Variants in PLD3 observed in about 807,000 individuals in gnomAD.
PLD3 encodes phospholipase D family member 3, also known as 5'-3' exonuclease PLD3.
In PLD3, 31 loss-of-function variants were observed where a neutral mutation model predicts 58.4. The ratio of observed to expected loss-of-function variants is 0.53; its 90% CI spans 0.40 to 0.72. The LOEUF is 0.72. PLD3 is among the 30% of genes least tolerant of loss of function. PLD3 has a pLI of 0.00. For synonymous variants in PLD3, 264 were observed against 273.4 expected (o/e 0.97, Z 0.34); for missense variants, 595 against 659.8 (o/e 0.90, Z 1.08).
In PLD3 at chr19:40,366,465, C is replaced by A; in HGVS notation, c.-19C>A. 1 of 1,613,102 alleles carries A rather than the reference C, an allele frequency of 6.2e-7. No homozygotes were observed. ...ACCTTCTCACCTGGGCTCTGCGTAT[C>A]CCCCAGCCTTGAGGGAAGATGAAGC... On this transcript the variant is annotated 5_prime_UTR_variant, in exon 3 of 13. Coordinates refer to ENST00000409735, the MANE Select transcript of PLD3 (RefSeq NM_012268.4).
chr19:40,353,227 C>G (rs1316883293), intron 1 of PLD3, among the ~76,000 whole-genome samples: 1 of 152,070 alleles, frequency 6.6e-6, no homozygotes, highest in Non-Finnish European at 1.5e-5. Flanking sequence ...GTCAGGAGTT[C>G]GAGACCAGCC....
intron 6 of PLD3, among the ~76,000 whole-genome samples, chr19:40,369,118 C>CTCTA (rs1396430076): frequency 6.6e-6 from 1 of 152,046 alleles, no homozygotes; most frequent in Admixed American, 6.6e-5. Context: ...TAGTGAAACC[C>CTCTA]TGTCTCTAAA....
chr19:40,348,884 T>TATGGAATATA (rs2078402542), intron 1 of PLD3, 116 bp downstream of exon 1: 1 of 151,314 alleles, frequency 6.6e-6, no homozygotes, highest in Non-Finnish European at 1.5e-5. Flanking sequence ...GAATATAATA[T>TATGGAATATA]ATATAATTAT....
chr19:40,355,654 C>T (rs939390556), intron 1 of PLD3, among the ~76,000 whole-genome samples: 6 of 113,348 alleles, frequency 5.3e-5, no homozygotes, highest in Non-Finnish European at 3.3e-5. Flanking sequence ...ATCTCAGTTT[C>T]TGGAGCAGGG....
intron 1 of PLD3, among the ~76,000 whole-genome samples, chr19:40,364,454 C>T (rs2078863982): frequency 6.6e-6 from 1 of 151,280 alleles, no homozygotes; most frequent in Non-Finnish European, 1.5e-5. Flanking sequence ...GGAGTTCAGC[C>T]TGGGCAATAA....
chr19:40,349,832 C>A (rs539330981), intron 1 of PLD3, among the ~76,000 whole-genome samples: 6 of 151,100 alleles, frequency 4.0e-5, no homozygotes, highest in Non-Finnish European at 5.9e-5. Context: ...GTGGTGCATG[C>A]CTATAATCCC....
At chr19:40,352,343 C>T (rs528165082) in intron 1 of PLD3, among the ~76,000 whole-genome samples, 39 of 152,114 alleles carry the variant, frequency 2.6e-4, no homozygotes, top group African/African-American at 8.2e-4. Context: ...TTTGAGAGGC[C>T]GGCGCCACCA....
chr19:40,355,773 T>C (rs2078642052), intron 1 of PLD3: 1 of 152,062 alleles, frequency 6.6e-6, no homozygotes, highest in South Asian at 2.1e-4. Context: ...ACTGGGGACA[T>C]GGCAGTGAGT....
At chr19:40,361,044 G>A (rs1266109883) in intron 1 of PLD3, among the ~76,000 whole-genome samples, 1 of 152,124 alleles carries the variant, frequency 6.6e-6, no homozygotes, top group Non-Finnish European at 1.5e-5. Flanking sequence ...CACTGTGCGA[G>A]GCCAAGGCAG....
chr19:40,367,395 A>G (rs1287355117), intron 5 of PLD3: 1 of 299,790 alleles, frequency 3.3e-6, no homozygotes, highest in East Asian at 5.7e-5. Context: ...AGCCTGGGCA[A>G]TGTAGTGCGG....
At chr19:40,364,555 G>T (rs1276848126) in intron 1 of PLD3, among the ~76,000 whole-genome samples, 1 of 151,916 alleles carries the variant, frequency 6.6e-6, no homozygotes, top group African/African-American at 2.4e-5. Context: ...ACTTTTGGGG[G>T]CCTAGACGGG....
Position 40,367,824 on chromosome 19 carries a change from T to G in PLD3, c.374T>G (p.Phe125Cys). Residue 125 changes from phenylalanine to cysteine, a missense_variant, in exon 6 of 13, where the codon TTC becomes TGC. Phe to Cys is a radical substitution (Grantham distance 205). Transcript: ENST00000409735. ...GAHSSLDIASFYWTLTNNDTH... is the reference protein window; with the variant it reads ...GAHSSLDIASCYWTLTNNDTH... ...CACAGCAGCCTGGACATCGCCTCCTTCTACTGGACCCTCACCAACAATGAC... is the reference window on the plus strand; with the variant it reads ...CACAGCAGCCTGGACATCGCCTCCTGCTACTGGACCCTCACCAACAATGAC... 2 of 1,593,798 alleles carry G rather than the reference T, an allele frequency of 1.3e-6. No homozygotes were observed. The highest frequency in any genetic ancestry group is 1.7e-6 in the Non-Finnish European group (2 of 1,171,074).
At chr19:40,367,921 G>T (rs2078969994) in intron 6 of PLD3, 42 bp downstream of exon 6, 3 of 1,493,430 alleles carry the variant, frequency 2.0e-6, no homozygotes, top group Non-Finnish European at 2.7e-6. Flanking sequence ...GGGGCAGGGG[G>T]TGGGAGGCAG....
intron 10 of PLD3, among the ~76,000 whole-genome samples, chr19:40,375,398 C>T (rs1399467699): frequency 6.6e-6 from 1 of 151,910 alleles, no homozygotes; most frequent in Non-Finnish European, 1.5e-5. Context: ...CACCTGTAAT[C>T]CCAGCACTTT....
chr19:40,378,185 G>T lies in PLD3; in HGVS notation c.*12G>T. On this transcript the variant is annotated 3_prime_UTR_variant, in exon 13 of 13. Transcript: ENST00000409735. ...GCCGCCTGCTCTGAGGCCCGATCCA[G>T]TGGGCAGGCCAAGGCCTGCTGGGCC... The T allele has an allele frequency of 6.2e-7, 1 of 1,603,228 alleles. No individual in the cohort carries two copies. The highest frequency in any genetic ancestry group is 8.5e-7 in the Non-Finnish European group (1 of 1,174,408).
At chr19:40,360,743 A>G (rs765971616) in intron 1 of PLD3, 1 of 151,990 alleles carries the variant, frequency 6.6e-6, no homozygotes, top group African/African-American at 2.4e-5. Flanking sequence ...TGCTGGGTTT[A>G]TGGCCACATC....
intron 1 of PLD3, among the ~76,000 whole-genome samples, chr19:40,353,630 G>A (rs1364525399): frequency 6.6e-6 from 1 of 151,720 alleles, no homozygotes; most frequent in Non-Finnish European, 1.5e-5. Context: ...CCAGGCTGGA[G>A]TGCAGTGGTG....
At chr19:40,356,621 C>T (rs543059666) in intron 1 of PLD3, 1 of 152,636 alleles carries the variant, frequency 6.6e-6, no homozygotes, top group African/African-American at 2.4e-5. Context: ...AAATGGGGAC[C>T]TGGGGCAGGA....
At chr19:40,370,613 C>T (rs113857782) in intron 8 of PLD3, 8 of 179,324 alleles carry the variant, frequency 4.5e-5, no homozygotes, top group African/African-American at 1.7e-4. Context: ...TTTGAGGCTA[C>T]AGTGGGTTGT....
Sources: allele counts gnomAD v4.1 joint callset (sites outside exome capture counted in the v4.1 genomes callset), GRCh38; gene constraint gnomAD v4.1.1; transcripts MANE v1.5; gene names NCBI Gene and HGNC (gene_info 2026-07-23, HGNC 2026-07-21).